Variants in PEAR1 observed in about 807,000 individuals in gnomAD.
PEAR1 encodes platelet endothelial aggregation receptor 1.
A neutral mutation model predicts 131.2 loss-of-function variants in PEAR1; 113 were observed. The observed-to-expected ratio is 0.86, with a 90% CI of 0.74 to 1.01. PEAR1 has a LOEUF of 1.01. Among genes scored for constraint, PEAR1 ranks in the 50% least tolerant of loss-of-function variants. The pLI is 0.00. For missense variants in PEAR1, 1,408 were observed against 1,391.1 expected (o/e 1.01, Z -0.19); for synonymous variants, 565 against 523.3 (o/e 1.08, Z -1.09).
chr1:156,904,042 G>C lies in PEAR1; in HGVS notation c.101+15G>C. ...TTCTGGGAAAGGTGAGAGGGCCCCT[G>C]CTGCACCTTGAGGGCACCAAGCCCT... On this transcript the variant is annotated intron_variant, in intron 2 of 22. Transcript: ENST00000292357. The C allele has an allele frequency of 6.2e-7, 1 of 1,604,936 alleles. No homozygotes were observed. The highest frequency in any genetic ancestry group is 8.5e-7 in the Non-Finnish European group (1 of 1,171,920).
rs1651300534 is a variant in PEAR1, at chr1:156,912,307, G to T, written c.2012G>T (p.Gly671Val). 1 of 1,613,998 alleles carries T rather than the reference G, an allele frequency of 6.2e-7. No homozygotes were observed. ...CAQTCQCHHG[G>V]TCHPQDGSCI... ...CAGACCTGCCAATGTCACCATGGTG[G>T]GACCTGCCATCCCCAGGATGGGAGC... Residue 671 changes from glycine (G) to valine (V), a missense_variant, in exon 16 of 23, where the codon GGG becomes GTG. Gly to Val is a moderately radical substitution (Grantham distance 109). Transcript: ENST00000292357.
In PEAR1 at chr1:156,908,997, G is replaced by A. The variant is rs913658222; in HGVS notation, c.1372G>A (p.Ala458Thr). 2.5e-6 allele frequency: 4 copies of A among 1,613,954 alleles called. No individual in the cohort carries two copies. The highest frequency in any genetic ancestry group is 2.7e-5 in the African/African-American group (2 of 74,910). ...SARCSCENAI[A>T]CSPIDGECVC... ...ACGCTGCTCATGTGAAAATGCCATCGCCTGCTCACCCATCGACGGCGAGTG... is the reference window on the plus strand; with the variant it reads ...ACGCTGCTCATGTGAAAATGCCATCACCTGCTCACCCATCGACGGCGAGTG... Residue 458 changes from alanine to threonine, a missense_variant, in exon 11 of 23, where the codon GCC becomes ACC. Coordinates refer to ENST00000292357, the MANE Select transcript of PEAR1 (RefSeq NM_001080471.3). This position sits in a 1 kb window ranked among gnomAD's most constrained non-coding sequence, Gnocchi z 4.2.
At chr1:156,899,888 C>A (rs1649512055) in intron 1 of PEAR1, among the ~76,000 whole-genome samples, 1 of 152,108 alleles carries the variant, frequency 6.6e-6, no homozygotes, top group African/African-American at 2.4e-5. Flanking sequence ...TGGAAGGGAG[C>A]CCGTGGGGAA....
At chr1:156,911,381 T>C (rs184124592) in intron 15 of PEAR1, among the ~76,000 whole-genome samples, 1 of 150,830 alleles carries the variant, frequency 6.6e-6, no homozygotes, top group East Asian at 2.0e-4. Flanking sequence ...TCTGGTTTAG[T>C]TAATTCTTTT....
chr1:156,906,700 C>T lies in PEAR1; in HGVS notation c.464C>T (p.Ser155Leu), dbSNP rs61744071. The change falls in exon 6 of 23, where the codon TCG becomes TTG. Residue 155 changes from serine to leucine, a missense_variant. Coordinates refer to ENST00000292357, the MANE Select transcript of PEAR1 (RefSeq NM_001080471.3). ...DKPCSCGNNS[S>L]CDPKSGVCSC... ...CCCTGCAGCTGCGGCAACAACAGCT[C>T]GTGTGATCCCAAGAGTGGGGTATGT... 2,358 of 1,614,098 alleles carry T rather than the reference C, an allele frequency of 1.5e-3. 9 individuals carry two copies. In the Middle Eastern group the frequency reaches 0.029, roughly 20 times the overall value.
rs822442 is a variant in PEAR1 at position 156,913,423 on chromosome 1, C to T, written c.2544C>T (p.Asn848=). 6.2e-7 allele frequency: 1 copy of T among 1,613,836 alleles called. No homozygotes were observed. Among genetic ancestry groups the T allele is most frequent in the Non-Finnish European group, 8.5e-7 (1 of 1,180,010 alleles). Residue 848 remains asparagine, a synonymous_variant, in exon 20 of 23, where the codon AAC becomes AAT. Coordinates refer to ENST00000292357, the MANE Select transcript of PEAR1 (RefSeq NM_001080471.3). ...VPGPLFASLQ[N]PERPGGAQGH... ...GCCCGCTCTTTGCCAGCCTGCAGAACCCTGAGCGGCCAGGTGGGGCCCAAG... is the reference window on the plus strand; with the variant it reads ...GCCCGCTCTTTGCCAGCCTGCAGAATCCTGAGCGGCCAGGTGGGGCCCAAG...
chr1:156,909,725 A>T (rs1553268829), intron 11 of PEAR1, 26 bp from the exon 12 acceptor site: 1 of 1,574,630 alleles, frequency 6.4e-7, no homozygotes, highest in African/African-American at 1.3e-5. Flanking sequence ...GGGTCCCCAT[A>T]CCTACCTACC....
intron 1 of PEAR1, among the ~76,000 whole-genome samples, chr1:156,895,798 A>G (rs146521996): frequency 3.9e-4 from 60 of 152,354 alleles, no homozygotes; most frequent in African/African-American, 1.4e-3. Flanking sequence ...CACACTGGAA[A>G]CACCAGGCGA....
At position 156,909,663 on chromosome 1, in the gene PEAR1, A is replaced by G. The variant is rs555118716; in HGVS notation, c.1412-88A>G. The G allele has an allele frequency of 5.2e-5, 76 of 1,448,510 alleles. No individual in the cohort carries two copies. In the African/African-American group the frequency reaches 8.9e-4, roughly 17 times the overall value. 89.7% of individuals were successfully genotyped at this position (1,448,510 alleles called of 1,614,324 possible). Reference sequence around the variant, plus strand: ...CCCCCCACCCACCCCAGCTCATAGCATAGAATCTGGCCCAGCCAGCTCCCA... The same window carrying G: ...CCCCCCACCCACCCCAGCTCATAGCGTAGAATCTGGCCCAGCCAGCTCCCA... On this transcript the variant is annotated intron_variant, in intron 11 of 22. Coordinates refer to ENST00000292357, the MANE Select transcript of PEAR1 (RefSeq NM_001080471.3).
rs1250076994 is a variant in PEAR1 at position 156,908,098 on chromosome 1, G to T, written c.903-30G>T. The T allele has an allele frequency of 1.9e-6, 3 of 1,576,960 alleles. No homozygotes were observed. The highest frequency in any genetic ancestry group is 4.6e-5 in the East Asian group (2 of 43,418). ...GGAGACGGGAGGGAGGAGGTGGGGC[G>T]CCGCCAGGCTCACTCAGCTAGGTGC... On this transcript the variant is annotated intron_variant, in intron 8 of 22. Coordinates refer to ENST00000292357, the MANE Select transcript of PEAR1 (RefSeq NM_001080471.3). The surrounding 1 kb of genome is among the most constrained non-coding windows in gnomAD (Gnocchi z 4.2).
chr1:156,897,614 C>T (rs549191684), intron 1 of PEAR1, among the ~76,000 whole-genome samples: 1 of 152,218 alleles, frequency 6.6e-6, no homozygotes, highest in Non-Finnish European at 1.5e-5. Flanking sequence ...GAAGAGCAAC[C>T]CCCGGCCTCC....
At position 156,916,318 on chromosome 1, in the gene PEAR1, G is replaced by A. The variant is rs540399265; in HGVS notation, c.*1520G>A. On this transcript the variant is annotated 3_prime_UTR_variant, in exon 23 of 23. Transcript: ENST00000292357. ...TTGCAATATTTCAAGCATTTTCATT[G>A]TTATTATATGTGTTATAGTGATCTG... The A allele has an allele frequency of 6.6e-6, 1 of 152,230 alleles. No individual in the cohort carries two copies. Among genetic ancestry groups the A allele is most frequent in the East Asian group, 1.9e-4 (1 of 5,190 alleles). The allele number at this position is 152,230 out of a possible 1,614,324, so 9.4% of individuals were successfully genotyped here.
In PEAR1 at chr1:156,913,960, G is replaced by T. The variant is rs1651588250; in HGVS notation, c.2822G>T (p.Ser941Ile). ...AGCTTGCCAGGGGGCCCCCGGGAGA[G>T]CAGCTACATGGAGATGAAAGGCCCT... ...LPSLPGGPRE[S>I]SYMEMKGPPS... is the part of the protein sequence containing the mutation. The change falls in exon 22 of 23, where the codon AGC becomes ATC. Residue 941 changes from serine to isoleucine, a missense_variant. Ser to Ile is a moderately radical substitution (Grantham distance 142). Coordinates refer to ENST00000292357, the MANE Select transcript of PEAR1 (RefSeq NM_001080471.3). The T allele has an allele frequency of 2.5e-6, 4 of 1,614,030 alleles. No individual in the cohort carries two copies. The highest frequency in any genetic ancestry group is 2.7e-5 in the African/African-American group (2 of 75,066).
At chr1:156,897,966 G>A (rs1490937181) in intron 1 of PEAR1, among the ~76,000 whole-genome samples, 1 of 152,124 alleles carries the variant, frequency 6.6e-6, no homozygotes, top group Non-Finnish European at 1.5e-5. Flanking sequence ...ACTTTCTGAA[G>A]GTAATCTCGG....
chr1:156,907,111 T>C (rs1650417132), intron 6 of PEAR1, among the ~76,000 whole-genome samples: 2 of 152,178 alleles, frequency 1.3e-5, no homozygotes, highest in South Asian at 4.1e-4. Flanking sequence ...ATTGTCTACA[T>C]GGCAGGGTGG....
rs1424756321 is a variant in PEAR1, at chr1:156,912,276, T to A, written c.1981T>A (p.Cys661Ser). The change falls in exon 16 of 23, where the codon TGT becomes AGT. Residue 661 changes from cysteine to serine, a missense_variant. Cys to Ser is a moderately radical substitution (Grantham distance 112). Coordinates refer to ENST00000292357, the MANE Select transcript of PEAR1 (RefSeq NM_001080471.3). ...CCCTCCAGGACACTGGGGAGAAAACTGTGCCCAGACCTGCCAATGTCACCA... is the reference window on the plus strand; with the variant it reads ...CCCTCCAGGACACTGGGGAGAAAACAGTGCCCAGACCTGCCAATGTCACCA... ...PCPPGHWGEN[C>S]AQTCQCHHGG... is the part of the protein sequence containing the mutation. 1 of 1,613,824 alleles carries A rather than the reference T, an allele frequency of 6.2e-7. No individual in the cohort carries two copies. Among genetic ancestry groups the A allele is most frequent in the African/African-American group, 1.3e-5 (1 of 75,014 alleles).
At chr1:156,910,836 A>G in intron 15 of PEAR1, 93 bp downstream of exon 15, 1 of 1,552,068 alleles carries the variant, frequency 6.4e-7, no homozygotes, top group Non-Finnish European at 8.7e-7. Flanking sequence ...TGGGTATAAA[A>G]GCCTCTGGGC....
intron 6 of PEAR1, 116 bp from the exon 7 acceptor site, chr1:156,907,494 G>A: frequency 3.4e-6 from 5 of 1,468,200 alleles, no homozygotes; most frequent in Admixed American, 2.4e-5. Context: ...CAGCAGGAAA[G>A]AGCAAGTGTG....
intron 1 of PEAR1, among the ~76,000 whole-genome samples, chr1:156,895,877 T>G (rs2102954447): frequency 6.6e-6 from 1 of 152,248 alleles, no homozygotes; most frequent in South Asian, 2.1e-4. Context: ...GGCCAGGAGT[T>G]CAAGACCGGC....
Sources: gnomAD v4.1 joint callset for allele counts (sites outside exome capture counted in the v4.1 genomes callset) on GRCh38, gnomAD v4.1.1 for gene constraint, Gnocchi (gnomAD v3.1) non-coding constraint, MANE v1.5 for transcripts, NCBI Gene and HGNC (gene_info 2026-07-23, HGNC 2026-07-21) for gene names.